KIF21A: variants seen among roughly 807,000 people sequenced by gnomAD.
KIF21A encodes the protein kinesin-like protein KIF21A.
Under a neutral mutation model 202.9 loss-of-function variants are expected in KIF21A, and 114 were observed. That is an observed-to-expected ratio of 0.56 (90% CI 0.48 to 0.66). The LOEUF (loss-of-function observed/expected upper bound fraction) is 0.66. Ranked by LOEUF, KIF21A falls within the 30% of genes least tolerant of loss-of-function variation. The probability of loss-of-function intolerance (pLI) is 0.00; values close to 1 mark genes in which losing one functional copy is unlikely to be tolerated. For missense variants in KIF21A, 1,677 were observed against 1,994.9 expected (o/e 0.84, Z 3.04); for synonymous variants, 667 against 670.8 (o/e 0.99, Z 0.09).
chr12:39,367,790 A>G, intron 4 of KIF21A, 93 bp downstream of exon 4: 1 of 985,054 alleles, frequency 1.0e-6, no homozygotes, highest in Non-Finnish European at 1.6e-6. Flanking sequence ...CAGGATATAA[A>G]TTTCATATCT....
intron 12 of KIF21A, among the ~76,000 whole-genome samples, chr12:39,345,671 A>C (rs1947831527): frequency 6.6e-6 from 1 of 151,922 alleles, no homozygotes; most frequent in Non-Finnish European, 1.5e-5. Flanking sequence ...CCTTGAAACT[A>C]GTATATTTTC....
At chr12:39,334,292 T>A (rs1946771827) in intron 17 of KIF21A, among the ~76,000 whole-genome samples, 1 of 152,054 alleles carries the variant, frequency 6.6e-6, no homozygotes, top group East Asian at 1.9e-4. Flanking sequence ...CTATCATTTA[T>A]TCAATTCTGT....
In KIF21A at chr12:39,315,215, C is replaced by A. The variant is rs1226004833; in HGVS notation, c.3959+14G>T. On this transcript the variant is annotated intron_variant, in intron 31 of 37. Transcript: ENST00000361418. ...TGGAAATGAAATTAATTTCCTCTCC[C>A]TTCCCCTGCCTACCTTCTGGAGGAT... is the stretch of plus-strand genomic sequence containing the variant. 2.5e-6 allele frequency: 4 copies of A among 1,611,178 alleles called. No homozygotes were observed. Among genetic ancestry groups the A allele is most frequent in the Non-Finnish European group, 1.7e-6 (2 of 1,177,850 alleles).
In KIF21A at chr12:39,294,403, A is replaced by T; in HGVS notation, c.*21T>A. The T allele has an allele frequency of 6.5e-7, 1 of 1,545,094 alleles. No individual in the cohort carries two copies. The highest frequency in any genetic ancestry group is 9.0e-7 in the Non-Finnish European group (1 of 1,117,086). On this transcript the variant is annotated 3_prime_UTR_variant, in exon 38 of 38. Coordinates refer to ENST00000361418, the MANE Select transcript of KIF21A (RefSeq NM_001173464.2). ...AGAGTATTATCACAGCATTCAGTTT[A>T]CAACCTATCTTCATTCATGTTTAAT...
chr12:39,355,246 A>G (rs1312199192), intron 10 of KIF21A, among the ~76,000 whole-genome samples: 1 of 152,344 alleles, frequency 6.6e-6, no homozygotes, highest in East Asian at 1.9e-4. Context: ...GAAGGAAGAC[A>G]TTAGATGCTG....
chr12:39,309,537 AAAAG>A, intron 33 of KIF21A, 45 bp downstream of exon 33: 2 of 1,386,208 alleles, frequency 1.4e-6, no homozygotes, highest in Non-Finnish European at 9.9e-7. Flanking sequence ...AAAAAAAAAA[AAAAG>A]AAGAGCTATT....
intron 1 of KIF21A, among the ~76,000 whole-genome samples, chr12:39,435,629 T>C (rs148467843): frequency 5.3e-5 from 8 of 152,226 alleles, no homozygotes; most frequent in African/African-American, 1.9e-4. Context: ...CCATCTTCCA[T>C]TCCAGATGCC....
intron 1 of KIF21A, among the ~76,000 whole-genome samples, chr12:39,400,322 G>A (rs1321110001): frequency 1.3e-5 from 2 of 152,130 alleles, no homozygotes; most frequent in African/African-American, 4.8e-5. Context: ...TGTGCAGGAT[G>A]TGCTGGATTA....
At position 39,333,081 on chromosome 12, in the gene KIF21A, T is replaced by G; in HGVS notation, c.2514A>C (p.Arg838Ser). 6.2e-7 allele frequency: 1 copy of G among 1,613,978 alleles called. No homozygotes were observed. The highest frequency in any genetic ancestry group is 8.5e-7 in the Non-Finnish European group (1 of 1,179,992). The change falls in exon 19 of 38, where the codon AGA becomes AGC. Residue 838 changes from arginine to serine, a missense_variant. Physicochemically the swap from Arg to Ser is moderately radical, Grantham distance 110 (BLOSUM62 -1). This residue lies in a region of KIF21A where 966 missense variants were observed against 1,180.9 expected (regional missense o/e 0.82). Coordinates refer to ENST00000361418, the MANE Select transcript of KIF21A (RefSeq NM_001173464.2). Reference sequence around the variant, plus strand: ...TCCCAGCCACTTTATCTGACATGGGTCTTACTTGCCGACGAAGAGCCGTAA... The same window carrying G: ...TCCCAGCCACTTTATCTGACATGGGGCTTACTTGCCGACGAAGAGCCGTAA... ...EEVTALRRQVRPMSDKVAGKV... is the reference protein window; with the variant it reads ...EEVTALRRQVSPMSDKVAGKV...
intron 5 of KIF21A, among the ~76,000 whole-genome samples, 182 bp downstream of exon 5, chr12:39,366,848 C>T (rs1394032415): frequency 6.6e-6 from 1 of 152,162 alleles, no homozygotes; most frequent in Non-Finnish European, 1.5e-5. Flanking sequence ...GACATTTATA[C>T]AATTTTTTAT....
chr12:39,409,370 T>A (rs556292491), intron 1 of KIF21A, among the ~76,000 whole-genome samples: 2 of 144,376 alleles, frequency 1.4e-5, no homozygotes, highest in Admixed American at 1.4e-4. Flanking sequence ...AATAAATAAA[T>A]AAATAAAAAT....
At chr12:39,332,858 G>A (rs1217942965) in intron 19 of KIF21A, 35 bp downstream of exon 19, 1 of 1,610,342 alleles carries the variant, frequency 6.2e-7, no homozygotes, top group East Asian at 2.2e-5. Flanking sequence ...TAACGGCCAA[G>A]AAGATTACAT....
intron 1 of KIF21A, among the ~76,000 whole-genome samples, chr12:39,400,827 G>A (rs1362112138): frequency 1.3e-5 from 2 of 152,128 alleles, no homozygotes; most frequent in African/African-American, 4.8e-5. Context: ...GTACTGCCAA[G>A]ATGTGTAGTT....
chr12:39,355,702 A>T (rs1948717082), intron 10 of KIF21A, among the ~76,000 whole-genome samples: 1 of 74,526 alleles, frequency 1.3e-5, no homozygotes, highest in Non-Finnish European at 2.3e-5. Flanking sequence ...ATGAAGCATG[A>T]ACAATTATAT....
rs150294289 is a variant in KIF21A at position 39,330,250 on chromosome 12, A to G, written c.3332T>C (p.Val1111Ala). The G allele has an allele frequency of 2.3e-3, 3,714 of 1,612,088 alleles. 10 individuals carry two copies. The highest frequency in any genetic ancestry group is 2.9e-3 in the Non-Finnish European group (3,464 of 1,178,362). ...LGHALQDLDS[V>A]PLENVEDSTD... ...AAGCTAAACATACTTACCTAATGGT[A>G]CGCTATCTAGATCTGTGTAAATAAC... The change falls in exon 24 of 38, where the codon GTA (valine) becomes GCA (alanine). Residue 1111 changes from valine to alanine, a missense_variant. By Grantham distance (64) the Val-to-Ala change is moderately conservative (BLOSUM62 0). Around this residue, in one of 3 missense-constraint regions of KIF21A, gnomAD observed 705 missense variants for 791.9 expected, o/e 0.89. Transcript: ENST00000361418.
intron 1 of KIF21A, among the ~76,000 whole-genome samples, chr12:39,425,004 G>A (rs980807918): frequency 2.6e-5 from 4 of 151,790 alleles, no homozygotes; most frequent in African/African-American, 7.3e-5. Flanking sequence ...CTTCACCCTC[G>A]GTTCTATTTT....
Position 39,356,867 on chromosome 12 carries a change from C to T in KIF21A, c.1434G>A (p.Met478Ile). ...CGATTTCTTTTATATAACTATGAAT[C>T]ATATTACTAATCTCCTCATTTCCTT... is the stretch of plus-strand genomic sequence containing the variant. ...AGEGNEEISN[M>I]IHSYIKEIED... The change falls in exon 10 of 38, where the codon ATG (methionine) becomes ATA (isoleucine). Residue 478 changes from methionine (M) to isoleucine (I), a missense_variant. Met to Ile is a conservative substitution (Grantham distance 10). Transcript: ENST00000361418. 7.7e-7 allele frequency: 1 copy of T among 1,295,274 alleles called. No homozygotes were observed. 80.2% of individuals were successfully genotyped at this position (1,295,274 alleles called of 1,614,324 possible). A position where few individuals can be genotyped will look rare whatever the true frequency, so the allele number is the denominator to read the frequency against.
At chr12:39,360,022 G>A (rs1049364914) in intron 7 of KIF21A, among the ~76,000 whole-genome samples, 6 of 152,030 alleles carry the variant, frequency 3.9e-5, no homozygotes, top group South Asian at 4.2e-4. Flanking sequence ...GGAAGGACTC[G>A]CCTTTAACAA....
At position 39,322,664 on chromosome 12, in the gene KIF21A, T is replaced by C; in HGVS notation, c.3671+4A>G. On this transcript the variant is annotated splice_donor_region_variant and intron_variant, in intron 27 of 37. Coordinates refer to ENST00000361418, the MANE Select transcript of KIF21A (RefSeq NM_001173464.2). ...AGAAGTTAGTGTAGCTGGGCCAAAC[T>C]TACATGCTGCCTATCTTAGAAGGTA... 1 of 1,613,504 alleles carries C rather than the reference T, an allele frequency of 6.2e-7. No homozygotes were observed. Among genetic ancestry groups the C allele is most frequent in the Non-Finnish European group, 8.5e-7 (1 of 1,179,462 alleles).
Sources: gnomAD v4.1 joint callset for allele counts (sites outside exome capture counted in the v4.1 genomes callset) on GRCh38, gnomAD v4.1.1 for gene constraint, gnomAD v4.1.1 regional missense constraint, MANE v1.5 for transcripts, NCBI Gene and HGNC (gene_info 2026-07-23, HGNC 2026-07-21) for gene names.